The following TRRAP variants were observed in gnomAD, a reference collection of about 807,000 sequenced individuals.
TRRAP encodes the protein transformation/transcription domain-associated protein.
Under a neutral mutation model 438.8 loss-of-function variants are expected in TRRAP, and 41 were observed. That is an observed-to-expected ratio of 0.09 (90% confidence interval 0.07 to 0.12). The LOEUF (loss-of-function observed/expected upper bound fraction) is 0.12, where lower values mean the gene tolerates loss of function less well. Ranked by LOEUF, TRRAP falls within the 10% of genes least tolerant of loss-of-function variation. TRRAP has a pLI of 1.00. For synonymous variants in TRRAP, 1,994 were observed against 1,962.9 expected, an observed-to-expected ratio of 1.02 and a Z score of -0.42; for missense variants, 3,122 against 5,055.1, an observed-to-expected ratio of 0.62 and a Z score of 11.60.
intron 23 of TRRAP, among the ~76,000 whole-genome samples, chr7:98,927,679 C>G (rs1790114640): frequency 6.6e-6 from 1 of 152,156 alleles, no homozygotes. Flanking sequence ...ACTCACTGCT[C>G]ACCTTCCTCT....
chr7:98,968,762 A>G (rs770814459), intron 51 of TRRAP, among the ~76,000 whole-genome samples: 2 of 152,210 alleles, frequency 1.3e-5, no homozygotes, highest in Non-Finnish European at 2.9e-5. Context: ...GCCTGCTAGC[A>G]TGTTTCCTGT....
chr7:98,909,116 T>A (rs2116399908), intron 14 of TRRAP, among the ~76,000 whole-genome samples, 154 bp downstream of exon 14: 1 of 151,678 alleles, frequency 6.6e-6, no homozygotes, highest in Non-Finnish European at 1.5e-5. Flanking sequence ...CTCTGCCTCC[T>A]GGGTTCAAGT....
At chr7:98,951,726 A>C (rs1302040385) in intron 39 of TRRAP, among the ~76,000 whole-genome samples, 2 of 152,298 alleles carry the variant, frequency 1.3e-5, no homozygotes, top group African/African-American at 4.8e-5. Context: ...TGTTGTTTCC[A>C]TTGGCAGATT....
At chr7:98,879,719 C>G (rs1173354227) in intron 1 of TRRAP, among the ~76,000 whole-genome samples, 1 of 152,230 alleles carries the variant, frequency 6.6e-6, no homozygotes, top group African/African-American at 2.4e-5. Flanking sequence ...CTACCCGGAG[C>G]CAGAGGGCTG....
chr7:98,922,932 G>A (rs1415070490), intron 21 of TRRAP, among the ~76,000 whole-genome samples: 2 of 152,090 alleles, frequency 1.3e-5, no homozygotes, highest in African/African-American at 4.8e-5. Flanking sequence ...AGTAAACATT[G>A]GGGAGGGAGA....
Position 98,892,475 on chromosome 7 carries a change from C to T in TRRAP, c.313C>T (p.His105Tyr), listed in dbSNP as rs782635647. The change falls in exon 5 of 73, where the codon CAT becomes TAT. Residue 105 changes from histidine to tyrosine, a missense_variant. By Grantham distance (83) the His-to-Tyr change is moderately conservative. This residue lies in a region of TRRAP where 343 missense variants were observed against 564.0 expected (regional missense o/e 0.61). Transcript: ENST00000456197. ...AATTCATAGAATACCAACCAACGAA[C>T]ATCTTCGTCCTCACACAAAAAATGT... is the stretch of plus-strand genomic sequence containing the variant. ...EIIHRIPTNE[H>Y]LRPHTKNVLS... 1 of 1,612,242 alleles carries T rather than the reference C, an allele frequency of 6.2e-7. No individual in the cohort carries two copies. The highest frequency in any genetic ancestry group is 1.1e-5 in the South Asian group (1 of 90,142).
chr7:98,896,873 T>C (rs1240881806), intron 7 of TRRAP, among the ~76,000 whole-genome samples: 1 of 152,142 alleles, frequency 6.6e-6, no homozygotes, highest in Non-Finnish European at 1.5e-5. Flanking sequence ...GGCAGCTGCC[T>C]TGTTGAACGT....
chr7:98,959,373 C>T lies in TRRAP; in HGVS notation c.6372C>T (p.Ser2124=). 2 of 1,613,960 alleles carry T rather than the reference C, an allele frequency of 1.2e-6. No individual in the cohort carries two copies. Among genetic ancestry groups the T allele is most frequent in the East Asian group, 2.2e-5 (1 of 44,886 alleles). ...ATGACAACACCAACACAGCGGGGTCCCCTGGGGAGGTGCTCTCTCGCCGGT... is the reference window on the plus strand; with the variant it reads ...ATGACAACACCAACACAGCGGGGTCTCCTGGGGAGGTGCTCTCTCGCCGGT... ...QVNDNTNTAG[S]PGEVLSRRCV... The change falls in exon 45 of 73, where the codon TCC becomes TCT. Residue 2124 remains serine (S), a synonymous_variant. Coordinates refer to ENST00000456197, the MANE Select transcript of TRRAP (RefSeq NM_001375524.1).
intron 27 of TRRAP, among the ~76,000 whole-genome samples, chr7:98,934,091 A>T (rs1554413694): frequency 6.6e-6 from 1 of 152,200 alleles, no homozygotes; most frequent in Non-Finnish European, 1.5e-5. Context: ...GTCACTGTAA[A>T]CATTCCAGTG....
intron 67 of TRRAP, chr7:98,999,246 C>T: frequency 8.5e-7 from 1 of 1,179,758 alleles, no homozygotes; most frequent in Non-Finnish European, 1.3e-6. Flanking sequence ...GCATTCACTG[C>T]CCAGCTTCTC....
At chr7:98,897,551 T>C (rs1796272334) in intron 7 of TRRAP, among the ~76,000 whole-genome samples, 190 bp from the exon 8 acceptor site, 1 of 152,194 alleles carries the variant, frequency 6.6e-6, no homozygotes, top group Admixed American at 6.5e-5. Context: ...TGGTTTAGGC[T>C]TTAAGGGGCA....
chr7:98,887,333 T>G (rs1795759147), intron 3 of TRRAP, among the ~76,000 whole-genome samples: 1 of 152,198 alleles, frequency 6.6e-6, no homozygotes, highest in Non-Finnish European at 1.5e-5. Context: ...GTTAGTTCAG[T>G]GTTGCAGCAT....
chr7:98,894,945 C>T (rs1796136405), intron 6 of TRRAP, among the ~76,000 whole-genome samples: 2 of 151,904 alleles, frequency 1.3e-5, no homozygotes, highest in African/African-American at 4.8e-5. Flanking sequence ...CTGTTCTTTC[C>T]TTTTTCTCAC....
intron 19 of TRRAP, 32 bp from the exon 20 acceptor site, chr7:98,917,391 T>C (rs1554409684): frequency 6.2e-7 from 1 of 1,605,162 alleles, no homozygotes; most frequent in Non-Finnish European, 8.5e-7. Flanking sequence ...GGGAGCGTCT[T>C]CCCTCTCTGA....
intron 68 of TRRAP, 134 bp from the exon 69 acceptor site, chr7:99,004,997 A>G (rs1045366648): frequency 2.4e-6 from 2 of 827,814 alleles, no homozygotes; most frequent in African/African-American, 3.4e-5. Context: ...GCAGGGTACA[A>G]ATAAATTGAT....
chr7:99,004,203 C>T lies in TRRAP; in HGVS notation c.10323C>T (p.Ser3441=), dbSNP rs377711398. The T allele has an allele frequency of 1.7e-5, 28 of 1,608,584 alleles. No individual in the cohort carries two copies. In the African/African-American group the frequency reaches 2.3e-4, roughly 13 times the overall value. The change falls in exon 68 of 73, where the codon AGC becomes AGT. Residue 3441 remains serine, a synonymous_variant. Transcript: ENST00000456197. ...KGQFTTDFDF[S]VPGSMKLHNL... ...TTTATTTTTAAGATTTTGACTTCAGCGTTCCAGGATCCATGAAGCTTCATA... is the reference window on the plus strand; with the variant it reads ...TTTATTTTTAAGATTTTGACTTCAGTGTTCCAGGATCCATGAAGCTTCATA...
chr7:98,969,322 T>G (rs1278522081), intron 51 of TRRAP, among the ~76,000 whole-genome samples: 1 of 152,178 alleles, frequency 6.6e-6, no homozygotes, highest in African/African-American at 2.4e-5. Context: ...AGCATCAGTC[T>G]CCAGTGTGCT....
In TRRAP at chr7:98,976,813, G is replaced by A; in HGVS notation, c.8247+43G>A. On this transcript the variant is annotated intron_variant, in intron 55 of 72. Transcript: ENST00000456197. This position sits in a 1 kb window ranked among gnomAD's most constrained non-coding sequence, Gnocchi z 4.6. ...TTTGTTAATTACCTCTTCCCTGCCAGTGACTTCACACTTTAAATAAATACT... is the reference window on the plus strand; with the variant it reads ...TTTGTTAATTACCTCTTCCCTGCCAATGACTTCACACTTTAAATAAATACT... The A allele has an allele frequency of 6.2e-7, 1 of 1,604,218 alleles. No individual in the cohort carries two copies. Among genetic ancestry groups the A allele is most frequent in the Non-Finnish European group, 8.5e-7 (1 of 1,173,600 alleles).
intron 56 of TRRAP, 28 bp from the exon 57 acceptor site, chr7:98,978,182 AG>A (rs1792756555): frequency 6.4e-7 from 1 of 1,556,698 alleles, no homozygotes; most frequent in Admixed American, 1.7e-5. Flanking sequence ...CTAGTTAAAC[AG>A]TGATTTAAAA....
Sources: gnomAD v4.1 joint callset for allele counts (sites outside exome capture counted in the v4.1 genomes callset) on GRCh38, gnomAD v4.1.1 for gene constraint, gnomAD v4.1.1 regional missense constraint, Gnocchi (gnomAD v3.1) non-coding constraint, MANE v1.5 for transcripts, NCBI Gene and HGNC (gene_info 2026-07-23, HGNC 2026-07-21) for gene names.